Variants in CELF2 observed in about 807,000 individuals in gnomAD.
The protein encoded by CELF2 is CUGBP Elav-like family member 2.
Under a neutral mutation model 62.6 loss-of-function variants are expected in CELF2, and 8 were observed. The observed-to-expected ratio is 0.13, with a 90% CI of 0.07 to 0.23. The LOEUF is 0.23. Among genes scored for constraint, CELF2 ranks in the 10% least tolerant of loss-of-function variants. CELF2 has a pLI of 1.00. For missense variants in CELF2, 333 were observed against 671.0 expected (o/e 0.50, Z 5.56); for synonymous variants, 258 against 250.0 (o/e 1.03, Z -0.30).
the CELF2 span, among the ~76,000 whole-genome samples, chr10:10,585,834 C>A: frequency 6.6e-6 from 1 of 152,076 alleles, no homozygotes; most frequent in Non-Finnish European, 1.5e-5. Flanking sequence ...GGGTAAATAC[C>A]AATTTGCAGC....
At chr10:11,258,497 A>G (rs2079478716) in intron 5 of CELF2, among the ~76,000 whole-genome samples, 1 of 152,232 alleles carries the variant, frequency 6.6e-6, no homozygotes, top group Non-Finnish European at 1.5e-5. Context: ...TGATAGAAGC[A>G]GAAGCTGTAG....
chr10:11,250,555 C>G (rs1209003756), intron 4 of CELF2, among the ~76,000 whole-genome samples: 1 of 152,178 alleles, frequency 6.6e-6, no homozygotes, highest in Non-Finnish European at 1.5e-5. Context: ...AGCAGTTGTT[C>G]ATCAGTTACC....
Position 10,995,250 on chromosome 10 carries a change from G to A in CELF2, c.89+75251G>A, listed in dbSNP as rs1042563246. Among the ~76,000 whole-genome samples the A allele has an allele frequency of 6.6e-6, 1 of 152,134 alleles. No homozygotes were observed. The highest frequency in any genetic ancestry group is 1.5e-5 in the Non-Finnish European group (1 of 68,036). Reference sequence around the variant, plus strand: ...AAGAAACGTGTGGCTCATGTAGCTCGTCACATTTTTTATTTTTATTTTTTG... The same window carrying A: ...AAGAAACGTGTGGCTCATGTAGCTCATCACATTTTTTATTTTTATTTTTTG... On this transcript the variant is annotated intron_variant, in intron 2 of 13. Transcript: ENST00000636488. The surrounding 1 kb of genome is among the most constrained non-coding windows in gnomAD (Gnocchi z 4.7).
At chr10:11,136,928 A>G (rs936642787) in intron 1 of CELF2, among the ~76,000 whole-genome samples, 3 of 152,242 alleles carry the variant, frequency 2.0e-5, no homozygotes, top group Non-Finnish European at 4.4e-5. Flanking sequence ...ACTTAATATT[A>G]TCCAACCATA....
At chr10:10,541,775 T>C in the CELF2 span, among the ~76,000 whole-genome samples, 1 of 152,200 alleles carries the variant, frequency 6.6e-6, no homozygotes. Flanking sequence ...TACTGCATCC[T>C]GTTTTATCAG....
chr10:11,328,260 A>C lies in CELF2; in HGVS notation c.1439-666A>C, dbSNP rs2095857728. On this transcript the variant is annotated intron_variant, in intron 12 of 12. Transcript: ENST00000633077. This position sits in a 1 kb window ranked among gnomAD's most constrained non-coding sequence, Gnocchi z 6.4. ...AGCTTTGGAAATGGAAAGTGAGATA[A>C]GGAGAAAGGCCCAGCACTTCCCTAG... is the stretch of plus-strand genomic sequence containing the variant. Among the ~76,000 whole-genome samples, 2 of 152,234 alleles carry C rather than the reference A, an allele frequency of 1.3e-5. No homozygotes were observed. The highest frequency in any genetic ancestry group is 4.8e-5 in the African/African-American group (2 of 41,462).
chr10:11,296,135 A>T lies in CELF2; in HGVS notation c.976+7583A>T, dbSNP rs962083500. Among the ~76,000 whole-genome samples the T allele has an allele frequency of 2.6e-5, 4 of 152,136 alleles. No homozygotes were observed. Among genetic ancestry groups the T allele is most frequent in the Admixed American group, 2.6e-4 (4 of 15,286 alleles). On this transcript the variant is annotated intron_variant, in intron 9 of 12. Coordinates refer to ENST00000633077, the MANE Select transcript of CELF2 (RefSeq NM_001326342.2). This position sits in a 1 kb window ranked among gnomAD's most constrained non-coding sequence, Gnocchi z 5.0. ...GTGCCTTCATCCCCGGGATGGACAG[A>T]TCCTCGCGTGCATCTTAGGGCTGCC... is the stretch of plus-strand genomic sequence containing the variant.
At chr10:10,628,563 A>C in the CELF2 span, among the ~76,000 whole-genome samples, 1 of 152,210 alleles carries the variant, frequency 6.6e-6, no homozygotes, top group East Asian at 1.9e-4. Context: ...AAGTATACTT[A>C]TGTGTCTGAC....
Position 11,214,352 on chromosome 10 carries a change from A to G in CELF2, c.272-3073A>G, listed in dbSNP as rs944290417. Among the ~76,000 whole-genome samples the G allele has an allele frequency of 1.3e-5, 2 of 152,248 alleles. No individual in the cohort carries two copies. Among genetic ancestry groups the G allele is most frequent in the African/African-American group, 4.8e-5 (2 of 41,476 alleles). Reference sequence around the variant, plus strand: ...GGAGGTAAGATATTTCCCCACGGTAAGTCATTCAGAAACTAAATGTGAAAA... The same window carrying G: ...GGAGGTAAGATATTTCCCCACGGTAGGTCATTCAGAAACTAAATGTGAAAA... On this transcript the variant is annotated intron_variant, in intron 2 of 12. Transcript: ENST00000633077. The surrounding 1 kb of genome is among the most constrained non-coding windows in gnomAD (Gnocchi z 4.2).
chr10:10,587,187 A>C, the CELF2 span, among the ~76,000 whole-genome samples: 1 of 152,208 alleles, frequency 6.6e-6, no homozygotes, highest in Non-Finnish European at 1.5e-5. Context: ...GTAGAAGGAG[A>C]AAGCAACAGA....
At chr10:11,307,669 A>G (rs1029872807) in intron 9 of CELF2, among the ~76,000 whole-genome samples, 4 of 152,198 alleles carry the variant, frequency 2.6e-5, no homozygotes, top group African/African-American at 9.7e-5. Flanking sequence ...AGATGAGGGA[A>G]CAAGGCAGGC....
the CELF2 span, among the ~76,000 whole-genome samples, chr10:10,671,571 G>T: frequency 1.3e-5 from 2 of 152,150 alleles, no homozygotes; most frequent in Admixed American, 1.3e-4. Flanking sequence ...GAGAGTTCCT[G>T]TTACTCACAT....
rs1388795479 is a variant in CELF2, at chr10:11,220,122, T to C, written c.354+2615T>C. Reference sequence around the variant, plus strand: ...ACATCACCAGCTGACACTTTAAAGCTTTTCTGGTTGTAATCATTTTCCTGT... The same window carrying C: ...ACATCACCAGCTGACACTTTAAAGCCTTTCTGGTTGTAATCATTTTCCTGT... On this transcript the variant is annotated intron_variant, in intron 3 of 12. Coordinates refer to ENST00000633077, the MANE Select transcript of CELF2 (RefSeq NM_001326342.2). This position sits in a 1 kb window ranked among gnomAD's most constrained non-coding sequence, Gnocchi z 4.4. 6.6e-6 allele frequency among the ~76,000 whole-genome samples: 1 copy of C among 152,224 alleles called. No individual in the cohort carries two copies. Among genetic ancestry groups the C allele is most frequent in the Non-Finnish European group, 1.5e-5 (1 of 68,024 alleles).
chr10:10,488,823 T>C, the CELF2 span, among the ~76,000 whole-genome samples: 3 of 152,090 alleles, frequency 2.0e-5, no homozygotes, highest in African/African-American at 4.8e-5. Flanking sequence ...ATCTTTCCAT[T>C]CTTTTCCTTC....
chr10:10,529,846 C>T, the CELF2 span, among the ~76,000 whole-genome samples: 25 of 152,274 alleles, frequency 1.6e-4, no homozygotes, highest in Admixed American at 1.4e-3. Context: ...CCAGAATCCA[C>T]ATCAGTGGCT....
At chr10:10,599,525 G>A in the CELF2 span, among the ~76,000 whole-genome samples, 8 of 152,084 alleles carry the variant, frequency 5.3e-5, no homozygotes, top group Admixed American at 5.2e-4. Context: ...TGCCCATCAA[G>A]ACTGTAAAAG....
chr10:10,635,892 A>C, the CELF2 span, among the ~76,000 whole-genome samples: 1 of 152,190 alleles, frequency 6.6e-6, no homozygotes, highest in Non-Finnish European at 1.5e-5. Context: ...CAACTGTGAT[A>C]CTGTAATTAC....
the CELF2 span, among the ~76,000 whole-genome samples, chr10:10,740,765 T>C: frequency 1.3e-5 from 2 of 152,226 alleles, no homozygotes; most frequent in South Asian, 4.1e-4. Flanking sequence ...TAAAAAGAGA[T>C]ACTGCCATTT....
At chr10:11,171,260 A>C (rs1189252974) in intron 2 of CELF2, 1 of 152,154 alleles carries the variant, frequency 6.6e-6, no homozygotes, top group Non-Finnish European at 1.5e-5. Flanking sequence ...AAGAGTTATT[A>C]CCTTAAGTTT....
Sources: gnomAD v4.1 joint callset for allele counts (sites outside exome capture counted in the v4.1 genomes callset) on GRCh38, gnomAD v4.1.1 for gene constraint, Gnocchi (gnomAD v3.1) non-coding constraint, MANE v1.5 for transcripts, NCBI Gene and HGNC (gene_info 2026-07-23, HGNC 2026-07-21) for gene names.